ANKRD28: variants seen among roughly 807,000 people sequenced by gnomAD.
ANKRD28 encodes serine/threonine-protein phosphatase 6 regulatory ankyrin repeat subunit A.
ANKRD28 carries 44 observed loss-of-function variants against 126.5 expected under a neutral mutation model. The observed-to-expected ratio is 0.35, with a 90% confidence interval of 0.27 to 0.45. The LOEUF (loss-of-function observed/expected upper bound fraction) is 0.45. ANKRD28 is among the 20% of genes least tolerant of loss of function. The pLI is 1.00. For synonymous variants in ANKRD28, 442 were observed against 468.5 expected, an observed-to-expected ratio of 0.94 and a Z score of 0.73; for missense variants, 1,110 against 1,316.6, an observed-to-expected ratio of 0.84 and a Z score of 2.43.
chr3:15,696,998 A>G (rs1326161777), intron 14 of ANKRD28, among the ~76,000 whole-genome samples: 1 of 152,226 alleles, frequency 6.6e-6, no homozygotes, highest in Non-Finnish European at 1.5e-5. Context: ...GCATGTTTAT[A>G]GCAGTACAAT....
chr3:15,702,843 A>G (rs2070810686), intron 14 of ANKRD28, among the ~76,000 whole-genome samples: 2 of 151,906 alleles, frequency 1.3e-5, no homozygotes, highest in African/African-American at 4.8e-5. Flanking sequence ...CCCTGGCCCA[A>G]AAAATCAGTT....
rs140048961 is a variant in ANKRD28 at position 15,707,929 on chromosome 3, A to G, written c.1542T>C (p.Asp514=). 4.6e-4 allele frequency: 748 copies of G among 1,612,882 alleles called. 2 individuals carry two copies. In the Middle Eastern group the frequency reaches 0.014, roughly 30 times the overall value. Residue 514 remains aspartate, a synonymous_variant, in exon 14 of 28, where the codon GAT becomes GAC. Coordinates refer to ENST00000683139, the MANE Select transcript of ANKRD28 (RefSeq NM_001349278.2). ...PLHYAATSDT[D]GKCLEYLLRN... ...CTCACTCCTATGGTACTTACTTGCC[A>G]TCTGTGTCTGATGTAGCTGCATAGT...
At chr3:15,727,732 T>C (rs888065655) in intron 6 of ANKRD28, among the ~76,000 whole-genome samples, 56 of 152,164 alleles carry the variant, frequency 3.7e-4, no homozygotes, top group Non-Finnish European at 4.0e-4. Flanking sequence ...ACAGATGTGG[T>C]AGAAATAGCA....
At chr3:15,680,960 G>A (rs2125704970) in intron 21 of ANKRD28, among the ~76,000 whole-genome samples, 1 of 152,246 alleles carries the variant, frequency 6.6e-6, no homozygotes, top group East Asian at 1.9e-4. Flanking sequence ...AGCCACCACG[G>A]CCAACATTTT....
intron 8 of ANKRD28, among the ~76,000 whole-genome samples, chr3:15,717,718 G>A (rs555891425): frequency 6.6e-6 from 1 of 152,238 alleles, no homozygotes; most frequent in Non-Finnish European, 1.5e-5. Flanking sequence ...AACAATGTGG[G>A]TGGGAAAACG....
chr3:15,851,519 G>A lies in ANKRD28; in HGVS notation c.27+7858C>T, dbSNP rs537349250. The stretch of plus-strand genomic sequence containing the variant: ...TGATCATGCCACTGCACTCCAACCT[G>A]AGTGACAAAGTGAGACTCTGTGTCA... On this transcript the variant is annotated intron_variant, in intron 1 of 27. Transcript: ENST00000399451. 3.3e-5 allele frequency among the ~76,000 whole-genome samples: 5 copies of A among 151,824 alleles called. No individual in the cohort carries two copies. The South Asian group carries it at 6.2e-4, about 19-fold the overall frequency.
At chr3:15,713,994 G>C (rs2072668864) in intron 9 of ANKRD28, among the ~76,000 whole-genome samples, 1 of 152,138 alleles carries the variant, frequency 6.6e-6, no homozygotes. Context: ...TGCATGCAAT[G>C]CTTCAAAAAA....
rs1452319718 is a variant in ANKRD28 at position 15,812,499 on chromosome 3, A to G, written c.28-17193T>C. ...CTCCAACACACATTCCAGGAAAGAA[A>G]AGGTAAACTGGCTATATAATACTGA... is the stretch of plus-strand genomic sequence containing the variant. On this transcript the variant is annotated intron_variant, in intron 1 of 27. Coordinates refer to the ANKRD28 transcript ENST00000399451. The surrounding 1 kb of genome is among the most constrained non-coding windows in gnomAD (Gnocchi z 4.1). Among the ~76,000 whole-genome samples, 4 of 152,240 alleles carry G rather than the reference A, an allele frequency of 2.6e-5. No individual in the cohort carries two copies.
At chr3:15,706,494 G>A (rs1289624072) in intron 14 of ANKRD28, among the ~76,000 whole-genome samples, 6 of 152,138 alleles carry the variant, frequency 3.9e-5, no homozygotes, top group Non-Finnish European at 8.8e-5. Context: ...TATCATTGAT[G>A]GACATTTGGG....
chr3:15,798,216 TTAACTGCTTTCG>T (rs2060366091), upstream of ANKRD28: 1 of 967,294 alleles, frequency 1.0e-6, no homozygotes, highest in African/African-American at 1.8e-5. Context: ...TCCAAACGGC[TTAACTGCTTTCG>T]TGTGTTACAA....
At chr3:15,709,435 T>A (rs1205476984) in intron 13 of ANKRD28, among the ~76,000 whole-genome samples, 1 of 152,026 alleles carries the variant, frequency 6.6e-6, no homozygotes, top group African/African-American at 2.4e-5. Context: ...TATAGAGGCA[T>A]TTATAAGGCC....
At chr3:15,762,579 C>T (rs1285587992) in intron 3 of ANKRD28, among the ~76,000 whole-genome samples, 1 of 151,534 alleles carries the variant, frequency 6.6e-6, no homozygotes, top group Admixed American at 6.6e-5. Flanking sequence ...TTTCATTTTC[C>T]CCCAGTAGGT....
chr3:15,835,025 G>GT (rs2061292511), intron 1 of ANKRD28, among the ~76,000 whole-genome samples: 1 of 152,144 alleles, frequency 6.6e-6, no homozygotes, highest in Admixed American at 6.6e-5. Context: ...GCGCACACCT[G>GT]TAATTCCAGC....
Position 15,762,218 on chromosome 3 carries a change from AC to A in ANKRD28, c.280+4015del, listed in dbSNP as rs1489685887. Among the ~76,000 whole-genome samples the A allele has an allele frequency of 2.9e-3, 112 of 38,824 alleles. 2 individuals carry two copies. Among genetic ancestry groups the A allele is most frequent in the African/African-American group, 5.3e-3 (94 of 17,604 alleles). The allele number at this position is 38,824 out of a possible 152,430, so 25.5% of individuals were successfully genotyped here. A position where few individuals can be genotyped will look rare whatever the true frequency, so the allele number is the denominator to read the frequency against. ...AAAAAAAAAAAAAAAAAAAAACAAA[AC>A]AAAAAAAAAAAAACTCTCCTGGTTC... On this transcript the variant is annotated intron_variant, in intron 3 of 27. Transcript: ENST00000683139.
chr3:15,783,235 CAAG>C (rs1351698729), intron 2 of ANKRD28, among the ~76,000 whole-genome samples: 1 of 151,610 alleles, frequency 6.6e-6, no homozygotes, highest in Non-Finnish European at 1.5e-5. Context: ...AAAAAACTCA[CAAG>C]AACATTTGAA....
intron 17 of ANKRD28, 140 bp from the exon 18 acceptor site, chr3:15,690,360 C>A (rs1185892864): frequency 5.7e-6 from 4 of 703,200 alleles, no homozygotes; most frequent in Non-Finnish European, 6.8e-6. Flanking sequence ...ATCGAGAATT[C>A]AGGAAGTTAA....
intron 14 of ANKRD28, among the ~76,000 whole-genome samples, chr3:15,703,582 G>A (rs1403250431): frequency 6.6e-6 from 1 of 152,200 alleles, no homozygotes; most frequent in Non-Finnish European, 1.5e-5. Flanking sequence ...GAATGTGCTG[G>A]TGCCTTGATA....
intron 3 of ANKRD28, among the ~76,000 whole-genome samples, chr3:15,752,853 C>G (rs2057940533): frequency 1.3e-5 from 2 of 152,192 alleles, no homozygotes; most frequent in Admixed American, 1.3e-4. Context: ...CAAGTAATGC[C>G]TTCAATTAGT....
chr3:15,795,139 G>T, intron 2 of ANKRD28, 84 bp downstream of exon 2: 1 of 968,706 alleles, frequency 1.0e-6, no homozygotes, highest in Non-Finnish European at 1.6e-6. Context: ...GTTATATTAT[G>T]TCTTGTAAAC....
Sources: allele counts gnomAD v4.1 joint callset (sites outside exome capture counted in the v4.1 genomes callset), GRCh38; gene constraint gnomAD v4.1.1; non-coding constraint Gnocchi (gnomAD v3.1); transcripts MANE v1.5; gene names NCBI Gene and HGNC (gene_info 2026-07-23, HGNC 2026-07-21).